FAM200C: variants seen among roughly 807,000 people sequenced by gnomAD.
chr5:160,394,485 G>A, the FAM200C span: 14 of 1,613,800 alleles, frequency 8.7e-6, no homozygotes, highest in African/African-American at 2.7e-5. Flanking sequence ...ATTTGGCCTC[G>A]GGAAAGCCAC....
the FAM200C span, among the ~76,000 whole-genome samples, chr5:160,399,089 C>G: frequency 6.6e-6 from 1 of 152,046 alleles, no homozygotes; most frequent in Non-Finnish European, 1.5e-5. Flanking sequence ...TTACACCGTT[C>G]TATTTTAATG....
chr5:160,394,445 T>C, the FAM200C span: 1 of 1,613,876 alleles, frequency 6.2e-7, no homozygotes, highest in South Asian at 1.1e-5. Flanking sequence ...CTGATTTATT[T>C]CTTCATACAT....
At chr5:160,396,470 G>C in the FAM200C span, among the ~76,000 whole-genome samples, 1 of 151,994 alleles carries the variant, frequency 6.6e-6, no homozygotes, top group African/African-American at 2.4e-5. Flanking sequence ...AAGCAAAATG[G>C]TCGGGCGTGG....
chr5:160,395,057 A>G, the FAM200C span: 1 of 1,614,050 alleles, frequency 6.2e-7, no homozygotes, highest in Non-Finnish European at 8.5e-7. Context: ...AGAATGGATC[A>G]CATCATCTGA....
chr5:160,394,628 C>T, the FAM200C span: 132 of 1,614,004 alleles, frequency 8.2e-5, no homozygotes, highest in Non-Finnish European at 7.7e-5. Context: ...CAGAGCATCC[C>T]TCAGTTTTGT....
chr5:160,394,907 A>T, the FAM200C span: 3 of 1,612,866 alleles, frequency 1.9e-6, no homozygotes, highest in African/African-American at 4.0e-5. Flanking sequence ...TCTTTCTTTT[A>T]TATAGCGCAC....
At chr5:160,394,971 T>C in the FAM200C span, 1 of 1,613,786 alleles carries the variant, frequency 6.2e-7, no homozygotes. Flanking sequence ...GCAAGCTGAA[T>C]ACCCACTTTA....
At chr5:160,394,855 T>C in the FAM200C span, 13 of 1,613,258 alleles carry the variant, frequency 8.1e-6, no homozygotes, top group African/African-American at 1.3e-5. Context: ...CTTTCATGGA[T>C]AGCTGCAATG....
chr5:160,393,461 C>T, the FAM200C span: 21 of 462,306 alleles, frequency 4.5e-5, no homozygotes, highest in East Asian at 3.2e-4. Context: ...ATATACCACA[C>T]GAACAGGTTA....
At chr5:160,395,532 G>A in the FAM200C span, 2 of 1,550,790 alleles carry the variant, frequency 1.3e-6, no homozygotes, top group East Asian at 2.2e-5. Context: ...AGATGCCACA[G>A]AATTTTGCTT....
At chr5:160,393,754 G>A in the FAM200C span, 1 of 1,555,046 alleles carries the variant, frequency 6.4e-7, no homozygotes, top group Non-Finnish European at 8.7e-7. Context: ...TGATGTCCGA[G>A]AAACGAGGAA....
chr5:160,395,153 T>C, the FAM200C span: 1 of 1,613,984 alleles, frequency 6.2e-7, no homozygotes, highest in South Asian at 1.1e-5. Flanking sequence ...CACTAACTTT[T>C]CAGCTACTGT....
the FAM200C span, chr5:160,395,452 G>A: frequency 6.2e-7 from 1 of 1,614,152 alleles, no homozygotes; most frequent in Non-Finnish European, 8.5e-7. Flanking sequence ...TGAACCAGTA[G>A]CGAACATAGT....
At chr5:160,397,977 C>T in the FAM200C span, among the ~76,000 whole-genome samples, 3 of 152,230 alleles carry the variant, frequency 2.0e-5, no homozygotes, top group African/African-American at 7.2e-5. Flanking sequence ...CACGGTGGCT[C>T]ACGCCTGCTA....
At chr5:160,394,305 T>C in the FAM200C span, 1 of 1,613,614 alleles carries the variant, frequency 6.2e-7, no homozygotes, top group Non-Finnish European at 8.5e-7. Flanking sequence ...ACTGTGTTCA[T>C]CCCAGTCCTC....
At chr5:160,397,334 T>C in the FAM200C span, 1 of 152,216 alleles carries the variant, frequency 6.6e-6, no homozygotes, top group East Asian at 1.9e-4. Context: ...TCTGAGTTGA[T>C]GACAGCCTCC....
chr5:160,394,072 C>T, the FAM200C span: 5 of 1,612,028 alleles, frequency 3.1e-6, no homozygotes, highest in South Asian at 1.1e-5. Context: ...GATCCAATAT[C>T]CATTTACTTG....
chr5:160,394,623 C>A, the FAM200C span: 1 of 1,613,918 alleles, frequency 6.2e-7, no homozygotes, highest in Non-Finnish European at 8.5e-7. Context: ...GTAAACAGAG[C>A]ATCCCTCAGT....
chr5:160,394,762 A>G, the FAM200C span: 13 of 1,614,160 alleles, frequency 8.1e-6, no homozygotes, highest in East Asian at 2.9e-4. Context: ...AGGAGGCACC[A>G]TCAGTACAAA....
Sources: gnomAD v4.1 joint callset for allele counts (sites outside exome capture counted in the v4.1 genomes callset) on GRCh38, gnomAD v4.1.1 for gene constraint, MANE v1.5 for transcripts.